CTSL: variants seen among roughly 807,000 people sequenced by gnomAD.
CTSL encodes procathepsin L.
Under a neutral mutation model 34.7 loss-of-function variants are expected in CTSL, and 23 were observed. The observed-to-expected ratio is 0.66, with a 90% confidence interval of 0.48 to 0.94. The LOEUF (loss-of-function observed/expected upper bound fraction) is 0.94, where lower values mean the gene tolerates loss of function less well. Among genes scored for constraint, CTSL ranks in the 40% least tolerant of loss-of-function variants. The pLI, the probability that CTSL is intolerant of heterozygous loss-of-function variation, is 0.00. For synonymous variants in CTSL, 129 were observed against 136.7 expected (o/e 0.94, Z 0.39); for missense variants, 361 against 406.3 (o/e 0.89, Z 0.96).
intron 7 of CTSL, among the ~76,000 whole-genome samples, chr9:87,730,757 G>T (rs1382523082): frequency 6.6e-6 from 1 of 152,194 alleles, no homozygotes; most frequent in Non-Finnish European, 1.5e-5. Context: ...GGCATATCTG[G>T]CTGCAAAGAC....
rs765351442 is a variant in CTSL at position 87,730,493 on chromosome 9, G to T, written c.897G>T (p.Lys299Asn). Residue 299 changes from lysine to asparagine, a missense_variant, in exon 7 of 8, where the codon AAG (lysine) becomes AAT (asparagine). By Grantham distance (94) the Lys-to-Asn change is moderately conservative. Transcript: ENST00000343150. Reference sequence around the variant, plus strand: ...ATAACAATAAATATTGGCTGGTGAAGAACAGGTATAAATTGCCAGAAATAC... The same window carrying T: ...ATAACAATAAATATTGGCTGGTGAATAACAGGTATAAATTGCCAGAAATAC... ...ESDNNKYWLV[K>N]NSWGEEWGMG... 6.2e-7 allele frequency: 1 copy of T among 1,600,378 alleles called. No homozygotes were observed. The highest frequency in any genetic ancestry group is 8.5e-7 in the Non-Finnish European group (1 of 1,171,562).
At chr9:87,726,477 C>G (rs1825997970) in intron 1 of CTSL, 79 bp downstream of exon 1, 2 of 152,486 alleles carry the variant, frequency 1.3e-5, no homozygotes, top group Admixed American at 6.5e-5. Context: ...GCACGCCAGA[C>G]AGCGGTACTC....
chr9:87,731,223 C>T lies in CTSL; in HGVS notation c.*116C>T. ...GATACACACTCGAATCATTGAAGAT[C>T]CGAGTGTGATTTGAATTCTGTGATA... On this transcript the variant is annotated 3_prime_UTR_variant, in exon 8 of 8. Coordinates refer to ENST00000343150, the MANE Select transcript of CTSL (RefSeq NM_001912.5). The T allele has an allele frequency of 4.7e-6, 3 of 634,414 alleles. No individual in the cohort carries two copies. Among genetic ancestry groups the T allele is most frequent in the Non-Finnish European group, 5.4e-6 (2 of 368,734 alleles). 39.3% of individuals were successfully genotyped at this position (634,414 alleles called of 1,614,324 possible).
intron 7 of CTSL, 104 bp downstream of exon 7, chr9:87,730,602 A>G: frequency 1.3e-6 from 1 of 757,214 alleles, no homozygotes; most frequent in Non-Finnish European, 2.2e-6. Context: ...TACTTCTGAA[A>G]TCCCCAGAAG....
At chr9:87,728,984 G>A in intron 5 of CTSL, 175 bp downstream of exon 5, 2 of 1,431,516 alleles carry the variant, frequency 1.4e-6, no homozygotes, top group Non-Finnish European at 1.8e-6. Context: ...TCAGGAGTTT[G>A]AGACCAGCCT....
At chr9:87,728,501 A>G (rs552056690) in intron 4 of CTSL, 84 bp from the exon 5 acceptor site, 5 of 1,567,028 alleles carry the variant, frequency 3.2e-6, no homozygotes, top group Admixed American at 1.9e-5. Flanking sequence ...TTCACTTTTT[A>G]ACAGTATTCA....
chr9:87,728,874 C>T (rs758771938), intron 5 of CTSL, 65 bp downstream of exon 5: 20 of 1,608,654 alleles, frequency 1.2e-5, no homozygotes, highest in Non-Finnish European at 1.7e-5. Context: ...TAAGAGATAA[C>T]AGATACCTTT....
intron 6 of CTSL, among the ~76,000 whole-genome samples, chr9:87,730,073 A>C (rs1005320865): frequency 9.2e-5 from 14 of 152,180 alleles, no homozygotes; most frequent in African/African-American, 3.4e-4. Flanking sequence ...CTTTTGATTC[A>C]AGGATTTTAG....
chr9:87,728,622 G>C lies in CTSL; in HGVS notation c.434G>C (p.Gly145Ala). Residue 145 changes from glycine to alanine, a missense_variant, in exon 5 of 8, where the codon GGT becomes GCT. Transcript: ENST00000343150. ...CGSCWAFSAT[G>A]ALEGQMFRKT... ...TCTTGTTGGGCTTTTAGTGCTACTG[G>C]TGCTCTTGAAGGACAGATGTTCCGG... 1 of 1,614,010 alleles carries C rather than the reference G, an allele frequency of 6.2e-7. No individual in the cohort carries two copies. Among genetic ancestry groups the C allele is most frequent in the South Asian group, 1.1e-5 (1 of 91,080 alleles).
chr9:87,727,103 C>T (rs1826041545), intron 1 of CTSL, among the ~76,000 whole-genome samples: 3 of 149,450 alleles, frequency 2.0e-5, no homozygotes, highest in African/African-American at 7.3e-5. Context: ...GAAAACTTAT[C>T]TCAGCTTTTG....
chr9:87,726,547 A>G (rs1460850413), intron 1 of CTSL, 149 bp downstream of exon 1: 2 of 152,272 alleles, frequency 1.3e-5, no homozygotes, highest in African/African-American at 2.4e-5. Context: ...CGCAGGCGTC[A>G]TGTCCCCGGC....
intron 7 of CTSL, among the ~76,000 whole-genome samples, chr9:87,730,713 G>C (rs1487541474): frequency 1.3e-5 from 2 of 152,188 alleles, no homozygotes; most frequent in African/African-American, 4.8e-5. Flanking sequence ...TTGTATAAAG[G>C]TGTATCTAAA....
chr9:87,730,464 T>G lies in CTSL; in HGVS notation c.868T>G (p.Ser290Ala), dbSNP rs1178391778. The G allele has an allele frequency of 6.2e-7, 1 of 1,612,882 alleles. No individual in the cohort carries two copies. The highest frequency in any genetic ancestry group is 8.5e-7 in the Non-Finnish European group (1 of 1,179,410). Reference protein sequence around the residue: ...VVGYGFESTESDNNKYWLVKN... With the variant: ...VVGYGFESTEADNNKYWLVKN... Reference sequence around the variant, plus strand: ...TGGCTACGGATTTGAAAGCACAGAATCAGATAACAATAAATATTGGCTGGT... The same window carrying G: ...TGGCTACGGATTTGAAAGCACAGAAGCAGATAACAATAAATATTGGCTGGT... The change falls in exon 7 of 8, where the codon TCA becomes GCA. Residue 290 changes from serine to alanine, a missense_variant. By Grantham distance (99) the Ser-to-Ala change is moderately conservative. Coordinates refer to ENST00000343150, the MANE Select transcript of CTSL (RefSeq NM_001912.5).
chr9:87,728,483 A>C lies in CTSL; in HGVS notation c.396+87A>C. Reference sequence around the variant, plus strand: ...CTTTGTTTTGGTAGACTTTAAAGTGATGTACAGTTCACTTTTTAACAGTAT... The same window carrying C: ...CTTTGTTTTGGTAGACTTTAAAGTGCTGTACAGTTCACTTTTTAACAGTAT... On this transcript the variant is annotated intron_variant, in intron 4 of 7. Coordinates refer to ENST00000343150, the MANE Select transcript of CTSL (RefSeq NM_001912.5). 1.9e-6 allele frequency: 3 copies of C among 1,570,670 alleles called. No homozygotes were observed. The South Asian group carries it at 3.6e-5, about 19-fold the overall frequency.
rs1218384114 is a variant in CTSL at position 87,731,257 on chromosome 9, C to G, written c.*150C>G. The G allele has an allele frequency of 5.7e-6, 3 of 524,188 alleles. No homozygotes were observed. Among genetic ancestry groups the G allele is most frequent in the South Asian group, 7.6e-5 (2 of 26,332 alleles). The allele number at this position is 524,188 out of a possible 1,614,324, so 32.5% of individuals were successfully genotyped here. On this transcript the variant is annotated 3_prime_UTR_variant, in exon 8 of 8. Coordinates refer to ENST00000343150, the MANE Select transcript of CTSL (RefSeq NM_001912.5). ...ATTTGAATTCTGTGATATTTTCACACTGGTAAATGTTACCTCTATTTTAAT... is the reference window on the plus strand; with the variant it reads ...ATTTGAATTCTGTGATATTTTCACAGTGGTAAATGTTACCTCTATTTTAAT...
At chr9:87,727,040 A>AT (rs1263914010) in intron 1 of CTSL, among the ~76,000 whole-genome samples, 113 of 132,192 alleles carry the variant, frequency 8.5e-4, no homozygotes, top group Admixed American at 1.3e-3. Context: ...CTCCATCTCA[A>AT]AAAATAAATA....
At chr9:87,727,566 C>G (rs991420564) in intron 1 of CTSL, 28 bp from the exon 2 acceptor site, 6 of 1,612,136 alleles carry the variant, frequency 3.7e-6, no homozygotes, top group East Asian at 2.2e-5. Context: ...TTGGTCTAAT[C>G]AGATCCTCAT....
chr9:87,729,670 C>G lies in CTSL; in HGVS notation c.719C>G (p.Ala240Gly). The G allele has an allele frequency of 1.2e-6, 2 of 1,614,082 alleles. No homozygotes were observed. The highest frequency in any genetic ancestry group is 1.7e-6 in the Non-Finnish European group (2 of 1,179,974). Residue 240 changes from alanine (A) to glycine (G), a missense_variant, in exon 6 of 8, where the codon GCA becomes GGA. Physicochemically the swap from Ala to Gly is moderately conservative, Grantham distance 60. Transcript: ENST00000343150. ...KQEKALMKAV[A>G]TVGPISVAID... ...GAGAAGGCCCTGATGAAGGCAGTTGCAACTGTGGGGCCCATTTCTGTTGCT... is the reference window on the plus strand; with the variant it reads ...GAGAAGGCCCTGATGAAGGCAGTTGGAACTGTGGGGCCCATTTCTGTTGCT...
intron 6 of CTSL, 26 bp downstream of exon 6, chr9:87,729,761 T>C (rs1564090921): frequency 8.2e-6 from 13 of 1,582,684 alleles, no homozygotes; most frequent in South Asian, 1.2e-5. Flanking sequence ...TTTGTAGAAA[T>C]TGATGCAGAA....
Sources: allele counts gnomAD v4.1 joint callset (sites outside exome capture counted in the v4.1 genomes callset), GRCh38; gene constraint gnomAD v4.1.1; transcripts MANE v1.5; gene names NCBI Gene and HGNC (gene_info 2026-07-23, HGNC 2026-07-21).